DLGAP2: variants seen among roughly 807,000 people sequenced by gnomAD.
The protein encoded by DLGAP2 is DLG associated protein 2, also known as disks large-associated protein 2.
Under a neutral mutation model 100.3 loss-of-function variants are expected in DLGAP2, and 26 were observed. The ratio of observed to expected loss-of-function variants is 0.26; its 90% CI spans 0.19 to 0.36. The LOEUF (loss-of-function observed/expected upper bound fraction) is 0.36. DLGAP2 is among the 10% of genes least tolerant of loss of function. The pLI is 1.00. For synonymous variants in DLGAP2, 886 were observed against 630.1 expected (o/e 1.41, Z -6.08); for missense variants, 1,858 against 1,453.2 (o/e 1.28, Z -4.53).
chr8:1,221,178 T>C lies in DLGAP2; in HGVS notation c.74-37673T>C, dbSNP rs182876854. 3.9e-4 allele frequency among the ~76,000 whole-genome samples: 59 copies of C among 152,312 alleles called. 1 individual carries two copies. Among genetic ancestry groups the C allele is most frequent in the African/African-American group, 1.2e-3 (48 of 41,574 alleles). ...TCGTTATGTATACTCGGTTATATAG[T>C]TGTTTTTTAGTGTCAGTGGACTATG... On this transcript the variant is annotated intron_variant, in intron 2 of 14. Transcript: ENST00000637795.
intron 3 of DLGAP2, among the ~76,000 whole-genome samples, chr8:1,368,014 T>C (rs866532180): frequency 6.6e-5 from 10 of 152,068 alleles, no homozygotes; most frequent in African/African-American, 2.2e-4. Context: ...TGGGGACTGA[T>C]TGGTTTTATT....
At position 1,296,751 on chromosome 8, in the gene DLGAP2, G is replaced by T. The variant is rs566509846; in HGVS notation, c.106+37868G>T. Among the ~76,000 whole-genome samples, 4 of 152,322 alleles carry T rather than the reference G, an allele frequency of 2.6e-5. No individual in the cohort carries two copies. In the South Asian group the frequency reaches 8.3e-4, roughly 32 times the overall value. On this transcript the variant is annotated intron_variant, in intron 3 of 14. Transcript: ENST00000637795. ...CTCTTTGGGTTCGCTTGCGGGAAAC[G>T]TGGTAAGTGAGTCCCTGAACGTGCC... is the stretch of plus-strand genomic sequence containing the variant.
intron 3 of DLGAP2, among the ~76,000 whole-genome samples, chr8:1,456,302 T>C (rs1798308682): frequency 6.6e-6 from 1 of 152,184 alleles, no homozygotes. Flanking sequence ...CACACACGCT[T>C]CTCCCAGGCT....
chr8:1,449,447 C>A (rs1452986857), intron 3 of DLGAP2, among the ~76,000 whole-genome samples: 1 of 152,046 alleles, frequency 6.6e-6, no homozygotes, highest in Non-Finnish European at 1.5e-5. Flanking sequence ...TAGAGCTCAG[C>A]GTTTTGGGAA....
chr8:1,176,429 G>T (rs1001042780), intron 2 of DLGAP2, among the ~76,000 whole-genome samples: 1 of 152,174 alleles, frequency 6.6e-6, no homozygotes, highest in African/African-American at 2.4e-5. Flanking sequence ...CTACACTTTG[G>T]GTGTTTGTTC....
At chr8:1,465,791 C>T (rs1035113530) in intron 3 of DLGAP2, among the ~76,000 whole-genome samples, 2 of 152,182 alleles carry the variant, frequency 1.3e-5, no homozygotes, top group South Asian at 2.1e-4. Flanking sequence ...AGACTCTTCC[C>T]GGCCCCTCTG....
At chr8:1,521,310 A>G (rs1170558976) in intron 4 of DLGAP2, among the ~76,000 whole-genome samples, 1 of 67,594 alleles carries the variant, frequency 1.5e-5, no homozygotes, top group Non-Finnish European at 3.3e-5. Context: ...CACTTGTTTT[A>G]ATTTGGAATA....
At chr8:1,434,416 G>C (rs1319604531) in intron 3 of DLGAP2, among the ~76,000 whole-genome samples, 2 of 152,078 alleles carry the variant, frequency 1.3e-5, no homozygotes, top group East Asian at 3.9e-4. Flanking sequence ...AGAGCCCTTA[G>C]CATCCTGCCA....
At chr8:920,483 C>T (rs532428818) in intron 2 of DLGAP2, among the ~76,000 whole-genome samples, 1 of 152,342 alleles carries the variant, frequency 6.6e-6, no homozygotes, top group Admixed American at 6.5e-5. Context: ...TCAGCAGGCA[C>T]AGTGGCTGAT....
At chr8:1,564,603 C>T (rs1339118060) in intron 5 of DLGAP2, among the ~76,000 whole-genome samples, 1 of 152,206 alleles carries the variant, frequency 6.6e-6, no homozygotes, top group African/African-American at 2.4e-5. Flanking sequence ...GGCATAGGTG[C>T]TCACCTCTGT....
At chr8:1,477,044 T>G (rs4876065) in intron 3 of DLGAP2, among the ~76,000 whole-genome samples, 100,367 of 152,104 alleles carry the variant, frequency 0.66, 33,462 homozygotes, top group African/African-American at 0.72. Context: ...GGTCATTCCT[T>G]CAGAGCAAAG....
At position 1,325,279 on chromosome 8, in the gene DLGAP2, GCTTT is replaced by G. The variant is rs528871872; in HGVS notation, c.106+66402_106+66405del. 2.0e-3 allele frequency among the ~76,000 whole-genome samples: 312 copies of G among 152,322 alleles called. 1 individual carries two copies. Among genetic ancestry groups the G allele is most frequent in the African/African-American group, 7.0e-3 (290 of 41,568 alleles). On this transcript the variant is annotated intron_variant, in intron 3 of 14. Transcript: ENST00000637795. ...GTGAGATGTCCGATGGTCTCACCAA[GCTTT>G]CTTTCCTGGACCAAGGAAGTTCCCA...
intron 1 of DLGAP2, among the ~76,000 whole-genome samples, chr8:880,669 G>C (rs542020409): frequency 1.3e-5 from 2 of 151,094 alleles, no homozygotes; most frequent in African/African-American, 4.9e-5. Flanking sequence ...TTTATAGGTG[G>C]GTCGGGGTGA....
chr8:1,329,024 G>C (rs1335894643), intron 3 of DLGAP2, among the ~76,000 whole-genome samples: 1 of 152,216 alleles, frequency 6.6e-6, no homozygotes, highest in Non-Finnish European at 1.5e-5. Context: ...CCACATGCTG[G>C]GCACATGTGT....
At chr8:1,523,010 C>G (rs919138378) in intron 4 of DLGAP2, among the ~76,000 whole-genome samples, 1 of 152,172 alleles carries the variant, frequency 6.6e-6, no homozygotes, top group Non-Finnish European at 1.5e-5. Flanking sequence ...AACTAAGGAC[C>G]AGGGGCAGCT....
intron 2 of DLGAP2, among the ~76,000 whole-genome samples, chr8:1,217,685 A>T (rs1348161413): frequency 1.3e-5 from 2 of 152,122 alleles, no homozygotes; most frequent in African/African-American, 4.8e-5. Context: ...AGGAATTTTA[A>T]ATTAGTTCAC....
At chr8:822,412 C>T (rs1225271780) in intron 1 of DLGAP2, among the ~76,000 whole-genome samples, 2 of 152,202 alleles carry the variant, frequency 1.3e-5, no homozygotes, top group South Asian at 2.1e-4. Flanking sequence ...AGGCTGCGGA[C>T]ACTGTCCACA....
At chr8:961,857 CATG>C (rs1453696388) in intron 2 of DLGAP2, among the ~76,000 whole-genome samples, 1 of 152,156 alleles carries the variant, frequency 6.6e-6, no homozygotes, top group Non-Finnish European at 1.5e-5. Context: ...ACTAAACTGT[CATG>C]ATGAGTACTG....
intron 2 of DLGAP2, among the ~76,000 whole-genome samples, chr8:988,421 C>G (rs989947384): frequency 6.6e-6 from 1 of 152,188 alleles, no homozygotes; most frequent in Non-Finnish European, 1.5e-5. Flanking sequence ...CTCTTATTAC[C>G]TGCCCAAAGT....
Sources: allele counts gnomAD v4.1 joint callset (sites outside exome capture counted in the v4.1 genomes callset), GRCh38; gene constraint gnomAD v4.1.1; transcripts MANE v1.5; gene names NCBI Gene and HGNC (gene_info 2026-07-23, HGNC 2026-07-21).